The following CRHR1 variants were observed in gnomAD, a reference collection of about 807,000 sequenced individuals.
The protein encoded by CRHR1 is corticotropin-releasing hormone receptor 1.
CRHR1 carries 28 observed loss-of-function variants against 56.0 expected under a neutral mutation model. The ratio of observed to expected loss-of-function variants is 0.50; its 90% CI spans 0.37 to 0.69. CRHR1 has a LOEUF of 0.69. CRHR1 is among the 30% of genes least tolerant of loss of function. The pLI is 0.00. For missense variants in CRHR1, 376 were observed against 548.0 expected (o/e 0.69, Z 3.13); for synonymous variants, 195 against 216.5 (o/e 0.90, Z 0.87).
At chr17:45,818,232 C>T (rs986906984) in intron 3 of CRHR1, among the ~76,000 whole-genome samples, 6 of 152,216 alleles carry the variant, frequency 3.9e-5, no homozygotes, top group African/African-American at 1.2e-4. Flanking sequence ...GTGTGGCCTC[C>T]GTGTTCAGGC....
intron 4 of CRHR1, among the ~76,000 whole-genome samples, chr17:45,822,431 G>A (rs568289745): frequency 5.9e-5 from 9 of 152,334 alleles, no homozygotes; most frequent in East Asian, 3.9e-4. Flanking sequence ...TGAGGAAGAC[G>A]GGGGTCAAAG....
At position 45,806,527 on chromosome 17, in the gene CRHR1, A is replaced by G. The variant is rs28365156; in HGVS notation, c.34-483A>G. 5.8e-3 allele frequency among the ~76,000 whole-genome samples: 881 copies of G among 152,328 alleles called. 12 individuals are homozygous for G. Among genetic ancestry groups the G allele is most frequent in the Admixed American group, 0.018 (278 of 15,308 alleles). On this transcript the variant is annotated intron_variant, in intron 1 of 12. Transcript: ENST00000314537. ...GGGCCCAGGAAACTGTTCACAAAAC[A>G]AGAGGCCAGCTCTGGAGGAAGGGAG...
chr17:45,801,185 C>T (rs1296958721), intron 1 of CRHR1, among the ~76,000 whole-genome samples: 1 of 152,192 alleles, frequency 6.6e-6, no homozygotes. Flanking sequence ...TCCACCCCCT[C>T]CACAGGCTCC....
chr17:45,811,418 T>C (rs2061821633), intron 2 of CRHR1, among the ~76,000 whole-genome samples: 1 of 152,254 alleles, frequency 6.6e-6, no homozygotes, highest in Non-Finnish European at 1.5e-5. Context: ...CACGCATTTG[T>C]TCTGTGCATG....
intron 12 of CRHR1, among the ~76,000 whole-genome samples, 155 bp downstream of exon 12, chr17:45,834,203 C>T (rs1375326758): frequency 1.3e-5 from 2 of 152,182 alleles, no homozygotes; most frequent in African/African-American, 4.8e-5. Flanking sequence ...CCAGGGTGGC[C>T]CCTCCCACCT....
At position 45,829,205 on chromosome 17, in the gene CRHR1, C is replaced by T; in HGVS notation, c.328-10C>T. 6.2e-7 allele frequency: 1 copy of T among 1,610,266 alleles called. No homozygotes were observed. The highest frequency in any genetic ancestry group is 8.5e-7 in the Non-Finnish European group (1 of 1,177,140). ...AGAAGGCTCACCTCTGCCCCTCTCT[C>T]CTGCTCCAGAAAAAAAGCAAGGTGC... is the stretch of plus-strand genomic sequence containing the variant. On this transcript the variant is annotated splice_polypyrimidine_tract_variant and intron_variant, in intron 4 of 12. Coordinates refer to ENST00000314537, the MANE Select transcript of CRHR1 (RefSeq NM_004382.5).
At chr17:45,833,116 C>T (rs2062353137) in intron 8 of CRHR1, 22 bp from the exon 9 acceptor site, 1 of 1,605,972 alleles carries the variant, frequency 6.2e-7, no homozygotes, top group African/African-American at 1.3e-5. Context: ...CCCTTCCTCC[C>T]CTTTCCTCTG....
chr17:45,832,646 C>A (rs2062341163), intron 8 of CRHR1, among the ~76,000 whole-genome samples: 1 of 152,202 alleles, frequency 6.6e-6, no homozygotes, highest in Non-Finnish European at 1.5e-5. Flanking sequence ...TTACCTCCTG[C>A]AGCAGGTAGA....
At chr17:45,813,612 T>A (rs2061868792) in intron 2 of CRHR1, among the ~76,000 whole-genome samples, 1 of 152,234 alleles carries the variant, frequency 6.6e-6, no homozygotes, top group Non-Finnish European at 1.5e-5. Context: ...AGCTCTGCGA[T>A]CGAGGGGCAG....
At chr17:45,828,241 C>CT (rs1477642024) in intron 4 of CRHR1, among the ~76,000 whole-genome samples, 3 of 152,312 alleles carry the variant, frequency 2.0e-5, no homozygotes, top group African/African-American at 2.4e-5. Context: ...ACTGACCAGT[C>CT]CCCTATTATG....
intron 1 of CRHR1, among the ~76,000 whole-genome samples, chr17:45,805,987 A>C (rs2061711217): frequency 6.6e-6 from 1 of 152,246 alleles, no homozygotes; most frequent in African/African-American, 2.4e-5. Flanking sequence ...AGGGCTATTT[A>C]AAGGACTTCA....
In CRHR1 at chr17:45,784,601, C is replaced by G. The variant is rs760821578; in HGVS notation, c.33+24C>G. 3.2e-5 allele frequency: 49 copies of G among 1,539,380 alleles called. No homozygotes were observed. In the Admixed American group the frequency reaches 4.9e-4, roughly 15 times the overall value. Reference sequence around the variant, plus strand: ...AGGTAACAGCCCGCCGGCCATCCCTCGAGCGCTGGCGCCCCCGGCCCCTGG... The same window carrying G: ...AGGTAACAGCCCGCCGGCCATCCCTGGAGCGCTGGCGCCCCCGGCCCCTGG... On this transcript the variant is annotated intron_variant, in intron 1 of 12. Transcript: ENST00000314537. The surrounding 1 kb of genome is among the most constrained non-coding windows in gnomAD (Gnocchi z 4.2).
At position 45,821,422 on chromosome 17, in the gene CRHR1, G is replaced by A. The variant is rs749426811; in HGVS notation, c.309G>A (p.Gln103=). ...WAARVNYSEC[Q]EILNEEKKSK... The stretch of plus-strand genomic sequence containing the variant: ...CCCGCGTGAATTACTCCGAGTGCCA[G>A]GAGATCCTCAATGAGGAGGTGAGGC... The change falls in exon 4 of 13, where the codon CAG becomes CAA. Residue 103 remains glutamine (Q), a synonymous_variant. Coordinates refer to ENST00000314537, the MANE Select transcript of CRHR1 (RefSeq NM_004382.5). 7 of 1,612,876 alleles carry A rather than the reference G, an allele frequency of 4.3e-6. No individual in the cohort carries two copies. The South Asian group carries it at 6.6e-5, about 15-fold the overall frequency.
intron 1 of CRHR1, among the ~76,000 whole-genome samples, chr17:45,797,288 T>TC (rs2061537046): frequency 1.7e-5 from 2 of 120,514 alleles, no homozygotes; most frequent in Non-Finnish European, 3.6e-5. Context: ...TCTTTCTTTT[T>TC]TTTTTTTTTT....
At chr17:45,795,890 C>T (rs576453960) in intron 1 of CRHR1, among the ~76,000 whole-genome samples, 1 of 152,272 alleles carries the variant, frequency 6.6e-6, no homozygotes, top group South Asian at 2.1e-4. Flanking sequence ...ATTCCCTGTT[C>T]GGTGGGGTTT....
At position 45,784,591 on chromosome 17, in the gene CRHR1, G is replaced by A. The variant is rs563315229; in HGVS notation, c.33+14G>A. 4 of 1,545,740 alleles carry A rather than the reference G, an allele frequency of 2.6e-6. No individual in the cohort carries two copies. The highest frequency in any genetic ancestry group is 1.9e-5 in the Admixed American group (1 of 51,684). ...CGTCTCGTCAAGGTAACAGCCCGCC[G>A]GCCATCCCTCGAGCGCTGGCGCCCC... On this transcript the variant is annotated intron_variant, in intron 1 of 12. Coordinates refer to ENST00000314537, the MANE Select transcript of CRHR1 (RefSeq NM_004382.5). This position sits in a 1 kb window ranked among gnomAD's most constrained non-coding sequence, Gnocchi z 4.2.
rs563183934 is a variant in CRHR1 at position 45,806,935 on chromosome 17, T to C, written c.34-75T>C. On this transcript the variant is annotated intron_variant, in intron 1 of 12. Coordinates refer to ENST00000314537, the MANE Select transcript of CRHR1 (RefSeq NM_004382.5). ...CAGGTGCAGTGTCACCCCTGCAGTT[T>C]TCCTGGGTGATGGAGCAACATGCTC... The C allele has an allele frequency of 3.6e-5, 49 of 1,374,954 alleles. No homozygotes were observed. The East Asian group carries it at 1.1e-3, about 32-fold the overall frequency. 85.2% of individuals were successfully genotyped at this position (1,374,954 alleles called of 1,614,324 possible). A position where few individuals can be genotyped will look rare whatever the true frequency, so the allele number is the denominator to read the frequency against.
intron 1 of CRHR1, among the ~76,000 whole-genome samples, chr17:45,788,289 G>A (rs923627024): frequency 2.0e-5 from 3 of 152,202 alleles, no homozygotes; most frequent in Non-Finnish European, 4.4e-5. Context: ...GTGATGACAG[G>A]TAGGTCACCT....
intron 3 of CRHR1, 68 bp from the exon 4 acceptor site, chr17:45,821,287 C>A: frequency 7.0e-7 from 1 of 1,422,898 alleles, no homozygotes; most frequent in Non-Finnish European, 9.9e-7. Context: ...ACGCATCCAT[C>A]TGGGCCAGGA....
Sources: allele counts gnomAD v4.1 joint callset (sites outside exome capture counted in the v4.1 genomes callset), GRCh38; gene constraint gnomAD v4.1.1; non-coding constraint Gnocchi (gnomAD v3.1); transcripts MANE v1.5; gene names NCBI Gene and HGNC (gene_info 2026-07-23, HGNC 2026-07-21).